Variants in SNX29 observed in about 807,000 individuals in gnomAD.
SNX29 encodes sorting nexin-29.
Under a neutral mutation model 102.1 loss-of-function variants are expected in SNX29, and 78 were observed. The ratio of observed to expected loss-of-function variants is 0.76; its 90% CI spans 0.64 to 0.92. SNX29 has a LOEUF of 0.92. SNX29 is among the 40% of genes least tolerant of loss of function. SNX29 has a pLI of 0.00. For missense variants in SNX29, 1,280 were observed against 1,061.7 expected, an observed-to-expected ratio of 1.21 and a Z score of -2.86; for synonymous variants, 580 against 414.5, an observed-to-expected ratio of 1.40 and a Z score of -4.85.
chr16:12,560,573 G>T (rs918443067), intron 20 of SNX29, among the ~76,000 whole-genome samples: 4 of 152,104 alleles, frequency 2.6e-5, no homozygotes, highest in African/African-American at 9.7e-5. Context: ...GATTCCTTGG[G>T]GTCTGTCCAT....
intron 13 of SNX29, among the ~76,000 whole-genome samples, chr16:12,147,966 G>C (rs796812906): frequency 2.6e-5 from 4 of 152,354 alleles, no homozygotes; most frequent in African/African-American, 9.6e-5. Context: ...CAGCGATGCA[G>C]TTTAAAGAGA....
At chr16:12,425,755 A>AGGAATTCATTTCTGAATTCCTCTC (rs1232697436) in intron 18 of SNX29, among the ~76,000 whole-genome samples, 23 of 152,174 alleles carry the variant, frequency 1.5e-4, no homozygotes, top group Admixed American at 2.6e-4. Flanking sequence ...TTCCCCAGCC[A>AGGAATTCATTTCTGAATTCCTCTC]GGAATTCATT....
chr16:12,139,114 C>G (rs1388340566), intron 13 of SNX29, among the ~76,000 whole-genome samples: 1 of 142,992 alleles, frequency 7.0e-6, no homozygotes, highest in African/African-American at 2.6e-5. Context: ...AAGAGAATCA[C>G]TTGGGCCCAG....
chr16:12,562,723 G>C (rs150534226), intron 20 of SNX29, among the ~76,000 whole-genome samples: 1 of 152,156 alleles, frequency 6.6e-6, no homozygotes, highest in Non-Finnish European at 1.5e-5. Context: ...CCGTGGTACT[G>C]TTTCTCGCTT....
intron 14 of SNX29, among the ~76,000 whole-genome samples, chr16:12,222,926 A>T (rs1026591599): frequency 6.6e-6 from 1 of 152,144 alleles, no homozygotes; most frequent in East Asian, 1.9e-4. Context: ...ACAGGTGTAG[A>T]TATTATTCTC....
chr16:12,531,095 T>G (rs1019851134), intron 20 of SNX29, among the ~76,000 whole-genome samples: 1 of 152,244 alleles, frequency 6.6e-6, no homozygotes, highest in Non-Finnish European at 1.5e-5. Flanking sequence ...TTTTAAATTT[T>G]TCCTGACATC....
At chr16:12,157,004 G>A (rs1479167205) in intron 13 of SNX29, among the ~76,000 whole-genome samples, 1 of 152,176 alleles carries the variant, frequency 6.6e-6, no homozygotes, top group African/African-American at 2.4e-5. Flanking sequence ...TTGGATTTAG[G>A]TGCTTCTCTG....
At chr16:12,262,511 C>G (rs1339510046) in intron 14 of SNX29, among the ~76,000 whole-genome samples, 4 of 152,166 alleles carry the variant, frequency 2.6e-5, no homozygotes, top group Non-Finnish European at 2.9e-5. Flanking sequence ...TGGAATAGAT[C>G]GTTGGTTCGA....
At chr16:12,131,044 C>T (rs967899984) in intron 13 of SNX29, among the ~76,000 whole-genome samples, 3 of 152,156 alleles carry the variant, frequency 2.0e-5, no homozygotes, top group African/African-American at 7.2e-5. Flanking sequence ...GGTCAAAGTG[C>T]AGCGCATTTG....
intron 10 of SNX29, among the ~76,000 whole-genome samples, chr16:12,074,254 C>T (rs571040745): frequency 3.9e-5 from 6 of 151,966 alleles, no homozygotes; most frequent in African/African-American, 1.4e-4. Context: ...GATGCAGTTT[C>T]TTTCTAGTCT....
At chr16:12,556,678 CAT>C (rs1445361129) in intron 20 of SNX29, 1 of 152,122 alleles carries the variant, frequency 6.6e-6, no homozygotes, top group African/African-American at 2.4e-5. Flanking sequence ...AAGCAGTAGT[CAT>C]GTGTCTGGAG....
At position 12,334,901 on chromosome 16, in the gene SNX29, C is replaced by CTTTTTTTTTTT. The variant is rs36176543; in HGVS notation, c.1783-21252_1783-21242dup. On this transcript the variant is annotated intron_variant, in intron 15 of 20. Coordinates refer to ENST00000566228, the MANE Select transcript of SNX29 (RefSeq NM_032167.5). ...TGCTTTAAGTTATCAGCCCCAGAGC[C>CTTTTTTTTTTT]TTTTTTTTTTTTTTTTTTTTAAAAA... 1.8e-3 allele frequency among the ~76,000 whole-genome samples: 172 copies of CTTTTTTTTTTT among 93,556 alleles called. 3 individuals carry two copies. The highest frequency in any genetic ancestry group is 6.1e-3 in the African/African-American group (158 of 26,090). The allele number at this position is 93,556 out of a possible 152,430, so 61.4% of individuals were successfully genotyped here. A position where few individuals can be genotyped will look rare whatever the true frequency, so the allele number is the denominator to read the frequency against.
In SNX29 at chr16:12,186,732, C is replaced by A. The variant is rs577805483; in HGVS notation, c.1596-12869C>A. Among the ~76,000 whole-genome samples the A allele has an allele frequency of 2.2e-4, 34 of 152,180 alleles. No homozygotes were observed. In the South Asian group the frequency reaches 4.2e-3, roughly 19 times the overall value. On this transcript the variant is annotated intron_variant, in intron 13 of 20. Coordinates refer to ENST00000566228, the MANE Select transcript of SNX29 (RefSeq NM_032167.5). ...TGACCTTGACTTTTTTTTCTGGGTC[C>A]CTCTTCTGGCCAGTTGCTTGATAGA...
At chr16:12,526,732 C>G (rs945559683) in intron 20 of SNX29, 10 of 462,340 alleles carry the variant, frequency 2.2e-5, no homozygotes, top group East Asian at 4.1e-5. Context: ...ACTCCTGATG[C>G]TGAGAGTGTG....
At chr16:12,046,499 C>T (rs370792411) in intron 6 of SNX29, 45 bp downstream of exon 6, 210 of 1,597,550 alleles carry the variant, frequency 1.3e-4, no homozygotes, top group Non-Finnish European at 1.8e-4. Context: ...TGACACTTGG[C>T]AGAGGGGCTG....
intron 13 of SNX29, among the ~76,000 whole-genome samples, chr16:12,180,208 C>G (rs1217007110): frequency 6.6e-6 from 1 of 151,984 alleles, no homozygotes; most frequent in Non-Finnish European, 1.5e-5. Context: ...AACAAACTTG[C>G]TCTTTTCATC....
At chr16:12,369,466 G>A (rs527901431) in intron 16 of SNX29, among the ~76,000 whole-genome samples, 1 of 152,262 alleles carries the variant, frequency 6.6e-6, no homozygotes, top group East Asian at 1.9e-4. Flanking sequence ...GATGTCATGA[G>A]CATGGGAAAG....
At position 12,544,538 on chromosome 16, in the gene SNX29, A is replaced by C. The variant is rs559752150; in HGVS notation, c.2318+19697A>C. ...CTGTGGGGAATTGTGTGGCCTAGGA[A>C]CATTCTCTGGAATGTTACAGTGATG... On this transcript the variant is annotated intron_variant, in intron 20 of 20. Transcript: ENST00000566228. 6.1e-4 allele frequency among the ~76,000 whole-genome samples: 93 copies of C among 152,264 alleles called. 1 individual carries two copies. Among genetic ancestry groups the C allele is most frequent in the African/African-American group, 2.1e-3 (86 of 41,544 alleles).
chr16:12,171,087 A>C (rs1042392110), intron 13 of SNX29, among the ~76,000 whole-genome samples: 12 of 152,110 alleles, frequency 7.9e-5, no homozygotes, highest in Non-Finnish European at 1.5e-5. Context: ...TTTGCGGTCT[A>C]TAATTCCTTC....
Sources: allele counts gnomAD v4.1 joint callset (sites outside exome capture counted in the v4.1 genomes callset), GRCh38; gene constraint gnomAD v4.1.1; transcripts MANE v1.5; gene names NCBI Gene and HGNC (gene_info 2026-07-23, HGNC 2026-07-21).